The following SHISA6 variants were observed in gnomAD, a reference collection of about 807,000 sequenced individuals.
SHISA6 encodes the protein shisa family member 6.
SHISA6 carries 22 observed loss-of-function variants against 47.9 expected under a neutral mutation model. The observed-to-expected ratio is 0.46, with a 90% CI of 0.33 to 0.66. The LOEUF (loss-of-function observed/expected upper bound fraction) is 0.66. Ranked by LOEUF, SHISA6 falls within the 30% of genes least tolerant of loss-of-function variation. SHISA6 has a pLI of 0.02. For synonymous variants in SHISA6, 388 were observed against 337.8 expected, an observed-to-expected ratio of 1.15 and a Z score of -1.63; for missense variants, 680 against 764.6, an observed-to-expected ratio of 0.89 and a Z score of 1.30.
chr17:11,433,189 G>A (rs1303694608), intron 3 of SHISA6, among the ~76,000 whole-genome samples: 4 of 152,028 alleles, frequency 2.6e-5, no homozygotes, highest in South Asian at 2.1e-4. Flanking sequence ...CCATCAACCC[G>A]TCATCTACAT....
chr17:11,338,644 C>T (rs1390509028), intron 2 of SHISA6, among the ~76,000 whole-genome samples: 2 of 151,944 alleles, frequency 1.3e-5, no homozygotes, highest in Non-Finnish European at 2.9e-5. Context: ...CTCTTGACCT[C>T]ATGATCTGCC....
intron 3 of SHISA6, among the ~76,000 whole-genome samples, chr17:11,444,281 T>C (rs574823262): frequency 6.6e-6 from 1 of 152,120 alleles, no homozygotes; most frequent in South Asian, 2.1e-4. Context: ...ATCGTGTCAC[T>C]GCACTCTAGC....
chr17:11,316,169 A>T (rs1251772677), intron 2 of SHISA6, among the ~76,000 whole-genome samples: 1 of 151,798 alleles, frequency 6.6e-6, no homozygotes. Flanking sequence ...TTAAAAAAAA[A>T]ATTAGTTGTA....
chr17:11,335,253 C>T (rs904448173), intron 2 of SHISA6, among the ~76,000 whole-genome samples: 3 of 152,224 alleles, frequency 2.0e-5, no homozygotes, highest in African/African-American at 7.2e-5. Context: ...TATTTAGATG[C>T]TCGCTGCTTC....
At chr17:11,313,777 G>A (rs1422580394) in intron 2 of SHISA6, among the ~76,000 whole-genome samples, 3 of 152,088 alleles carry the variant, frequency 2.0e-5, no homozygotes, top group Admixed American at 2.0e-4. Flanking sequence ...TGAGAACTCA[G>A]GGAGATTAGG....
At chr17:11,480,406 T>C (rs1332581486) in intron 3 of SHISA6, among the ~76,000 whole-genome samples, 1 of 152,090 alleles carries the variant, frequency 6.6e-6, no homozygotes, top group East Asian at 1.9e-4. Flanking sequence ...AATGAGTGAA[T>C]GAATGAATAA....
rs1174973390 is a variant in SHISA6, at chr17:11,558,358, G to A, written c.*54G>A. ...CGTGGCAGAGCAGAGCGGGGGCCGG[G>A]AGGGGCCAGGAGCAGAGCTTCTAGC... On this transcript the variant is annotated 3_prime_UTR_variant, in exon 6 of 6. Coordinates refer to ENST00000441885, the MANE Select transcript of SHISA6 (RefSeq NM_207386.4). 4 of 1,492,710 alleles carry A rather than the reference G, an allele frequency of 2.7e-6. No homozygotes were observed. The highest frequency in any genetic ancestry group is 1.3e-5 in the South Asian group (1 of 77,590). The allele number at this position is 1,492,710 out of a possible 1,614,324, so 92.5% of individuals were successfully genotyped here.
chr17:11,403,357 T>C (rs560108918), intron 3 of SHISA6, among the ~76,000 whole-genome samples: 1 of 152,300 alleles, frequency 6.6e-6, no homozygotes, highest in Non-Finnish European at 1.5e-5. Flanking sequence ...ACAGAGCCAC[T>C]ACACTGCAAA....
chr17:11,387,602 C>T (rs993475199), intron 3 of SHISA6, among the ~76,000 whole-genome samples: 4 of 152,100 alleles, frequency 2.6e-5, no homozygotes, highest in Non-Finnish European at 5.9e-5. Flanking sequence ...ATAGTCTAAC[C>T]AGCATAAGAG....
chr17:11,533,606 T>TC (rs1296837682), intron 3 of SHISA6, among the ~76,000 whole-genome samples: 1 of 146,970 alleles, frequency 6.8e-6, no homozygotes, highest in Non-Finnish European at 1.5e-5. Context: ...TTTTTTTTTT[T>TC]TTTTGAGATG....
chr17:11,548,248 C>T (rs1409144091), intron 3 of SHISA6, among the ~76,000 whole-genome samples: 1 of 152,092 alleles, frequency 6.6e-6, no homozygotes, highest in East Asian at 1.9e-4. Context: ...AGAAGGACCC[C>T]CCGAAAAGAC....
chr17:11,449,571 A>G (rs1479433199), intron 3 of SHISA6, among the ~76,000 whole-genome samples: 5 of 152,234 alleles, frequency 3.3e-5, no homozygotes, highest in Non-Finnish European at 5.9e-5. Context: ...TCCCAGGTGA[A>G]TGAAGACAGG....
intron 2 of SHISA6, among the ~76,000 whole-genome samples, chr17:11,346,595 G>A (rs1911707352): frequency 6.6e-6 from 1 of 152,082 alleles, no homozygotes; most frequent in Admixed American, 6.6e-5. Flanking sequence ...AGAATCATCT[G>A]GGATCAATCA....
At chr17:11,436,993 G>A (rs1914960230) in intron 3 of SHISA6, among the ~76,000 whole-genome samples, 1 of 152,208 alleles carries the variant, frequency 6.6e-6, no homozygotes, top group South Asian at 2.1e-4. Flanking sequence ...TTGCTTAATA[G>A]TGGCTGTCTT....
chr17:11,396,237 A>G (rs1913569204), intron 3 of SHISA6, among the ~76,000 whole-genome samples: 2 of 152,150 alleles, frequency 1.3e-5, no homozygotes, highest in African/African-American at 4.8e-5. Context: ...AATAAATCCC[A>G]TGTTGTTTTA....
chr17:11,358,667 C>CTTTTTTTT (rs71142206), intron 2 of SHISA6, among the ~76,000 whole-genome samples: 1 of 141,342 alleles, frequency 7.1e-6, no homozygotes, highest in Admixed American at 7.1e-5. Flanking sequence ...CCAGAATTTC[C>CTTTTTTTT]TTTTTTTTTT....
In SHISA6 at chr17:11,535,118, G is replaced by A. The variant is rs557093056; in HGVS notation, c.896-16778G>A. On this transcript the variant is annotated intron_variant, in intron 3 of 5. Transcript: ENST00000441885. Reference sequence around the variant, plus strand: ...CACTGCACTCCAGCCTGGCAACAAAGCGAGACTCCATCTCAAAAAAAATAA... The same window carrying A: ...CACTGCACTCCAGCCTGGCAACAAAACGAGACTCCATCTCAAAAAAAATAA... 2.6e-5 allele frequency among the ~76,000 whole-genome samples: 4 copies of A among 152,158 alleles called. No individual in the cohort carries two copies. The East Asian group carries it at 7.7e-4, about 29-fold the overall frequency.
intron 2 of SHISA6, among the ~76,000 whole-genome samples, chr17:11,317,352 T>C (rs970795592): frequency 6.6e-6 from 1 of 152,172 alleles, no homozygotes; most frequent in East Asian, 1.9e-4. Context: ...GTATTTGTTT[T>C]TATCTGTTTT....
intron 2 of SHISA6, among the ~76,000 whole-genome samples, chr17:11,350,246 C>T (rs1414066443): frequency 1.1e-5 from 1 of 90,096 alleles, no homozygotes; most frequent in East Asian, 3.4e-4. Context: ...GTGGCGCGAT[C>T]TCGGCTCACT....
Sources: allele counts gnomAD v4.1 joint callset (sites outside exome capture counted in the v4.1 genomes callset), GRCh38; gene constraint gnomAD v4.1.1; transcripts MANE v1.5; gene names NCBI Gene and HGNC (gene_info 2026-07-23, HGNC 2026-07-21).